FHIT: variants seen among roughly 807,000 people sequenced by gnomAD.
The protein encoded by FHIT is fragile histidine triad diadenosine triphosphatase, also known as bis(5'-adenosyl)-triphosphatase.
FHIT carries 19 observed loss-of-function variants against 17.9 expected under a neutral mutation model. That is an observed-to-expected ratio of 1.06 (90% confidence interval 0.74 to 1.56). The LOEUF is 1.56. FHIT is among the 40% of genes most tolerant of loss of function. The probability of loss-of-function intolerance (pLI) is 0.00; values close to 1 mark genes in which losing one functional copy is unlikely to be tolerated. For synonymous variants in FHIT, 81 were observed against 69.7 expected (o/e 1.16, Z -0.81); for missense variants, 248 against 189.2 (o/e 1.31, Z -1.82).
intron 4 of FHIT, among the ~76,000 whole-genome samples, chr3:60,755,916 T>C (rs1488977974): frequency 1.3e-5 from 2 of 152,176 alleles, no homozygotes; most frequent in Non-Finnish European, 2.9e-5. Flanking sequence ...CAGACAAACA[T>C]TGCATGCATT....
chr3:60,423,391 A>T (rs1208868812), intron 5 of FHIT, among the ~76,000 whole-genome samples: 1 of 152,158 alleles, frequency 6.6e-6, no homozygotes, highest in African/African-American at 2.4e-5. Flanking sequence ...CAACATACCC[A>T]GTCAAAAACA....
At chr3:60,031,127 G>T (rs1700981005) in intron 5 of FHIT, among the ~76,000 whole-genome samples, 1 of 152,170 alleles carries the variant, frequency 6.6e-6, no homozygotes, top group Non-Finnish European at 1.5e-5. Context: ...ATAAGCTCAA[G>T]AAGAGTCAAC....
chr3:60,519,201 C>G (rs2035268261), intron 5 of FHIT, among the ~76,000 whole-genome samples: 2 of 152,132 alleles, frequency 1.3e-5, no homozygotes, highest in South Asian at 2.1e-4. Flanking sequence ...TTATTTTGTA[C>G]AGTGGGCAGA....
intron 3 of FHIT, among the ~76,000 whole-genome samples, chr3:60,934,278 AAAAAAAAG>A (rs1228182148): frequency 1.3e-5 from 2 of 151,868 alleles, no homozygotes; most frequent in African/African-American, 2.4e-5. Flanking sequence ...CAGCCCTATC[AAAAAAAAG>A]AAAAAAAGAA....
chr3:59,974,881 C>G (rs1340338059), intron 7 of FHIT, among the ~76,000 whole-genome samples: 1 of 152,064 alleles, frequency 6.6e-6, no homozygotes, highest in Non-Finnish European at 1.5e-5. Context: ...GGTCAATATA[C>G]CAACCCAACA....
Position 60,734,297 on chromosome 3 carries a change from A to G in FHIT, c.-18+87622T>C, listed in dbSNP as rs868918326. 5.3e-5 allele frequency among the ~76,000 whole-genome samples: 8 copies of G among 152,330 alleles called. 2 individuals carry two copies. The South Asian group carries it at 1.7e-3, about 32-fold the overall frequency. ...TCTATTAAGAAATAGAGTTGGCATG[A>G]GAGCTGAAGATCCTATCATATGAAG... On this transcript the variant is annotated intron_variant, in intron 4 of 9. Transcript: ENST00000492590.
chr3:60,582,490 G>A (rs1285718790), intron 4 of FHIT, among the ~76,000 whole-genome samples: 3 of 152,008 alleles, frequency 2.0e-5, no homozygotes, highest in Non-Finnish European at 4.4e-5. Flanking sequence ...TCCACTGGAG[G>A]GCAGTCTCCT....
intron 5 of FHIT, among the ~76,000 whole-genome samples, chr3:60,516,365 T>C (rs1340854025): frequency 6.6e-6 from 1 of 152,212 alleles, no homozygotes; most frequent in Middle Eastern, 3.2e-3. Flanking sequence ...TTATTTCTGC[T>C]TCTGTATGCA....
intron 4 of FHIT, among the ~76,000 whole-genome samples, chr3:60,602,024 GCAAA>G (rs1432459614): frequency 6.6e-6 from 1 of 151,594 alleles, no homozygotes; most frequent in Admixed American, 6.6e-5. Flanking sequence ...ACTTGTTCAA[GCAAA>G]CAAAGTAAGC....
chr3:60,577,125 T>G (rs543789898), intron 4 of FHIT, among the ~76,000 whole-genome samples: 1 of 152,174 alleles, frequency 6.6e-6, no homozygotes, highest in African/African-American at 2.4e-5. Flanking sequence ...ACACCCCTCA[T>G]TGATCAACAG....
chr3:60,758,168 T>G (rs1226023894), intron 4 of FHIT, among the ~76,000 whole-genome samples: 1 of 152,208 alleles, frequency 6.6e-6, no homozygotes, highest in Non-Finnish European at 1.5e-5. Context: ...TCAGGTGGCC[T>G]CTGCCAAGGG....
At chr3:60,490,879 C>G (rs929885651) in intron 5 of FHIT, among the ~76,000 whole-genome samples, 7 of 152,126 alleles carry the variant, frequency 4.6e-5, no homozygotes, top group Non-Finnish European at 1.0e-4. Context: ...TGTTAAGTAA[C>G]TTGCACAGGT....
At chr3:60,656,116 C>G (rs1048087611) in intron 4 of FHIT, among the ~76,000 whole-genome samples, 15 of 152,162 alleles carry the variant, frequency 9.9e-5, no homozygotes, top group African/African-American at 3.6e-4. Flanking sequence ...TAAGCCTTTG[C>G]ACTGCATCTT....
intron 3 of FHIT, among the ~76,000 whole-genome samples, chr3:61,032,587 G>C (rs1457214622): frequency 6.6e-6 from 1 of 152,244 alleles, no homozygotes; most frequent in South Asian, 2.1e-4. Flanking sequence ...CCAGAGGCCA[G>C]ACATATTAAG....
intron 4 of FHIT, among the ~76,000 whole-genome samples, chr3:60,710,374 T>C (rs1330508738): frequency 1.3e-5 from 2 of 152,162 alleles, no homozygotes; most frequent in Non-Finnish European, 2.9e-5. Context: ...TGCATTTCCA[T>C]CTGAGGTACC....
rs943819596 is a variant in FHIT, at chr3:59,960,640, A to G, written c.280-38226T>C. 6.6e-5 allele frequency among the ~76,000 whole-genome samples: 10 copies of G among 152,294 alleles called. 1 individual carries two copies. The highest frequency in any genetic ancestry group is 6.5e-4 in the Admixed American group (10 of 15,302). On this transcript the variant is annotated intron_variant, in intron 7 of 9. Coordinates refer to ENST00000492590, the MANE Select transcript of FHIT (RefSeq NM_002012.4). ...TAGAGAAGGGGTACTTTGGAAAACAATGTTCATGGAAAGCAATAAACATTC... is the reference window on the plus strand; with the variant it reads ...TAGAGAAGGGGTACTTTGGAAAACAGTGTTCATGGAAAGCAATAAACATTC...
intron 4 of FHIT, among the ~76,000 whole-genome samples, chr3:60,727,519 A>G (rs1218635366): frequency 2.0e-5 from 3 of 152,344 alleles, no homozygotes; most frequent in Admixed American, 2.0e-4. Context: ...TCAGAAAACT[A>G]TATCAGTATA....
chr3:60,609,044 A>T (rs1230168502), intron 4 of FHIT, among the ~76,000 whole-genome samples: 1 of 151,914 alleles, frequency 6.6e-6, no homozygotes. Flanking sequence ...AAAAGTATAT[A>T]AATGTCCTGG....
At chr3:59,752,147 C>A in intron 9 of FHIT, 74 bp downstream of exon 9, 5 of 1,048,826 alleles carry the variant, frequency 4.8e-6, no homozygotes, top group Non-Finnish European at 5.7e-6. Context: ...TTTTGTGCAT[C>A]CCCATTCTGA....
Sources: gnomAD v4.1 joint callset for allele counts (sites outside exome capture counted in the v4.1 genomes callset) on GRCh38, gnomAD v4.1.1 for gene constraint, MANE v1.5 for transcripts, NCBI Gene and HGNC (gene_info 2026-07-23, HGNC 2026-07-21) for gene names.